GNA13: variants seen among roughly 807,000 people sequenced by gnomAD.
GNA13 encodes G protein subunit alpha 13, also known as guanine nucleotide-binding protein subunit alpha-13.
Under a neutral mutation model 33.5 loss-of-function variants are expected in GNA13, and 4 were observed. The observed-to-expected ratio is 0.12, with a 90% CI of 0.06 to 0.27. The LOEUF (loss-of-function observed/expected upper bound fraction) is 0.27, where lower values mean the gene tolerates loss of function less well. Among genes scored for constraint, GNA13 ranks in the 10% least tolerant of loss-of-function variants. GNA13 has a pLI of 1.00. For missense variants in GNA13, 319 were observed against 487.2 expected, an observed-to-expected ratio of 0.65 and a Z score of 3.25; for synonymous variants, 176 against 183.8, an observed-to-expected ratio of 0.96 and a Z score of 0.34.
intron 2 of GNA13, among the ~76,000 whole-genome samples, chr17:65,018,624 C>T (rs1265439288): frequency 6.6e-6 from 1 of 152,142 alleles, no homozygotes; most frequent in African/African-American, 2.4e-5. Context: ...AAGATGAAAA[C>T]TGCTTTTGAG....
At chr17:65,040,952 C>T (rs76005738) in intron 2 of GNA13, among the ~76,000 whole-genome samples, 1,844 of 152,270 alleles carry the variant, frequency 0.012, 42 homozygotes, top group African/African-American at 0.041. Flanking sequence ...GACAGCTGCT[C>T]ATTGCTAGTA....
chr17:65,024,776 T>G (rs1906711546), intron 2 of GNA13, among the ~76,000 whole-genome samples: 1 of 152,248 alleles, frequency 6.6e-6, no homozygotes, highest in African/African-American at 2.4e-5. Context: ...AAAACTAGAT[T>G]TCGTATTAAT....
chr17:65,056,248 C>CCCACCCCCCCCCCCCCCCCCCCCCCA, intron 1 of GNA13, 63 bp downstream of exon 1: 1 of 1,064,002 alleles, frequency 9.4e-7, no homozygotes, highest in Non-Finnish European at 1.3e-6. Flanking sequence ...TGCCCCGCCC[C>CCCACCCCCCCCCCCCCCCCCCCCCCA]GCACCCGCCG....
chr17:65,035,619 T>G (rs1416041262), intron 2 of GNA13, among the ~76,000 whole-genome samples: 2 of 152,204 alleles, frequency 1.3e-5, no homozygotes, highest in African/African-American at 4.8e-5. Context: ...TTTCCTACTC[T>G]TCAGTTTTCA....
chr17:65,034,780 T>C (rs182922016), intron 2 of GNA13, among the ~76,000 whole-genome samples: 21 of 152,246 alleles, frequency 1.4e-4, no homozygotes, highest in Non-Finnish European at 2.8e-4. Context: ...ATATGTTTAG[T>C]ATTTATTTTA....
chr17:65,047,533 T>C (rs1907709050), intron 2 of GNA13, among the ~76,000 whole-genome samples: 1 of 152,232 alleles, frequency 6.6e-6, no homozygotes, highest in Admixed American at 6.5e-5. Flanking sequence ...AAGTCCTTGC[T>C]TGACTATACT....
chr17:65,016,402 C>T (rs552841820), intron 3 of GNA13, among the ~76,000 whole-genome samples: 1 of 152,122 alleles, frequency 6.6e-6, no homozygotes, highest in South Asian at 2.1e-4. Context: ...TGCTCTGTTG[C>T]CCAGATTGGA....
At chr17:65,036,637 C>G (rs765658587) in intron 2 of GNA13, among the ~76,000 whole-genome samples, 7 of 152,228 alleles carry the variant, frequency 4.6e-5, no homozygotes, top group Non-Finnish European at 1.0e-4. Context: ...ATCTGCAAGA[C>G]AGAGGTTGGA....
At chr17:65,024,937 G>A (rs1906717481) in intron 2 of GNA13, among the ~76,000 whole-genome samples, 1 of 152,096 alleles carries the variant, frequency 6.6e-6, no homozygotes. Flanking sequence ...CCAGGCTGGA[G>A]TACAGTGGCA....
In GNA13 at chr17:65,014,855, A is replaced by G. The variant is rs756057026; in HGVS notation, c.562-26T>C. On this transcript the variant is annotated intron_variant, in intron 3 of 3. Coordinates refer to ENST00000439174, the MANE Select transcript of GNA13 (RefSeq NM_006572.6). The surrounding 1 kb of genome is among the most constrained non-coding windows in gnomAD (Gnocchi z 5.3). ...CTGGAAAAGAAAAAACTTGTTTTAT[A>G]CCTATTAATCCCGAAGTAATGCGAA... is the stretch of plus-strand genomic sequence containing the variant. The G allele has an allele frequency of 4.1e-6, 6 of 1,466,282 alleles. No individual in the cohort carries two copies. The highest frequency in any genetic ancestry group is 5.7e-6 in the Non-Finnish European group (6 of 1,058,916). The allele number at this position is 1,466,282 out of a possible 1,614,324, so 90.8% of individuals were successfully genotyped here. A position where few individuals can be genotyped will look rare whatever the true frequency, so the allele number is the denominator to read the frequency against.
At position 65,012,267 on chromosome 17, in the gene GNA13, T is replaced by G; in HGVS notation, c.*1990A>C. On this transcript the variant is annotated 3_prime_UTR_variant, in exon 4 of 4. Coordinates refer to ENST00000439174, the MANE Select transcript of GNA13 (RefSeq NM_006572.6). ...ATAGGGATCTAACTTGAGCCCTCACTGGAGTCAAATGTTTTGGCCATTCAA... is the reference window on the plus strand; with the variant it reads ...ATAGGGATCTAACTTGAGCCCTCACGGGAGTCAAATGTTTTGGCCATTCAA... The G allele has an allele frequency of 4.5e-6, 1 of 223,064 alleles. No individual in the cohort carries two copies. Among genetic ancestry groups the G allele is most frequent in the East Asian group, 6.6e-5 (1 of 15,222 alleles). 13.8% of individuals were successfully genotyped at this position (223,064 alleles called of 1,614,324 possible). A position where few individuals can be genotyped will look rare whatever the true frequency, so the allele number is the denominator to read the frequency against.
chr17:65,056,250 C>CCCCCGCCGCCG, intron 1 of GNA13, 61 bp downstream of exon 1: 2 of 1,054,688 alleles, frequency 1.9e-6, no homozygotes, highest in East Asian at 3.1e-5. Flanking sequence ...CCCCGCCCCG[C>CCCCCGCCGCCG]ACCCGCCGCC....
intron 2 of GNA13, among the ~76,000 whole-genome samples, chr17:65,027,857 C>A (rs1474253268): frequency 6.6e-6 from 1 of 152,072 alleles, no homozygotes; most frequent in Non-Finnish European, 1.5e-5. Flanking sequence ...GTAATCCCAG[C>A]ACTTTGAGAG....
chr17:65,035,560 C>A (rs1907212992), intron 2 of GNA13, among the ~76,000 whole-genome samples: 1 of 152,038 alleles, frequency 6.6e-6, no homozygotes, highest in Non-Finnish European at 1.5e-5. Context: ...TTAAAAAAAA[C>A]AAGCTAATTA....
At chr17:65,031,921 A>AGAGTGTGTGTGTGTGTGTGTGT (rs770161529) in intron 2 of GNA13, among the ~76,000 whole-genome samples, 9 of 91,618 alleles carry the variant, frequency 9.8e-5, no homozygotes, top group African/African-American at 2.4e-4. Flanking sequence ...AGAGAGAGAG[A>AGAGTGTGTGTGTGTGTGTGTGT]GTGTGTGTGT....
Position 65,018,288 on chromosome 17 carries a change from A to G in GNA13, c.526T>C (p.Tyr176His). ...AGTTTATCCAAGTTATCCAGGAAAT[A>G]TTTTACAGATTCACCCTAAAAACAA... ...REFQLGESVK[Y>H]FLDNLDKLGE... The change falls in exon 3 of 4, where the codon TAT becomes CAT. Residue 176 changes from tyrosine (Y) to histidine (H), a missense_variant. Physicochemically the swap from Tyr to His is moderately conservative, Grantham distance 83. This residue lies in a region of GNA13 where 136 missense variants were observed against 159.3 expected (regional missense o/e 0.85). Transcript: ENST00000439174. 1 of 1,502,846 alleles carries G rather than the reference A, an allele frequency of 6.7e-7. No homozygotes were observed. Among genetic ancestry groups the G allele is most frequent in the Non-Finnish European group, 9.3e-7 (1 of 1,078,806 alleles). 93.1% of individuals were successfully genotyped at this position (1,502,846 alleles called of 1,614,324 possible). A position where few individuals can be genotyped will look rare whatever the true frequency, so the allele number is the denominator to read the frequency against.
At chr17:65,043,679 T>TA (rs1366854318) in intron 2 of GNA13, among the ~76,000 whole-genome samples, 2 of 151,690 alleles carry the variant, frequency 1.3e-5, no homozygotes, top group Admixed American at 6.6e-5. Context: ...CTATTTAGAT[T>TA]AAAAAACAAA....
rs114639799 is a variant in GNA13 at position 65,014,065 on chromosome 17, C to G, written c.*192G>C. ...GATCAAAGCCTGCATTACAGCAAAT[C>G]TTGGCGATGAGTCACTCAACAGCTT... On this transcript the variant is annotated 3_prime_UTR_variant, in exon 4 of 4. Coordinates refer to ENST00000439174, the MANE Select transcript of GNA13 (RefSeq NM_006572.6). This position sits in a 1 kb window ranked among gnomAD's most constrained non-coding sequence, Gnocchi z 5.3. The G allele has an allele frequency of 9.6e-4, 533 of 556,446 alleles. No homozygotes were observed. The highest frequency in any genetic ancestry group is 9.3e-3 in the African/African-American group (498 of 53,434). 34.5% of individuals were successfully genotyped at this position (556,446 alleles called of 1,614,324 possible).
At chr17:65,038,878 C>G (rs780922198) in intron 2 of GNA13, among the ~76,000 whole-genome samples, 1 of 152,144 alleles carries the variant, frequency 6.6e-6, no homozygotes, top group Non-Finnish European at 1.5e-5. Flanking sequence ...TATCTCACAA[C>G]GTTTACTGAA....
Sources: gnomAD v4.1 joint callset for allele counts (sites outside exome capture counted in the v4.1 genomes callset) on GRCh38, gnomAD v4.1.1 for gene constraint, gnomAD v4.1.1 regional missense constraint, Gnocchi (gnomAD v3.1) non-coding constraint, MANE v1.5 for transcripts, NCBI Gene and HGNC (gene_info 2026-07-23, HGNC 2026-07-21) for gene names.